The following PCDHGA2 variants were observed in gnomAD, a reference collection of about 807,000 sequenced individuals.
PCDHGA2 encodes the protein protocadherin gamma-A2.
Under a neutral mutation model 59.2 loss-of-function variants are expected in PCDHGA2, and 40 were observed. That is an observed-to-expected ratio of 0.68 (90% CI 0.52 to 0.88). The LOEUF (loss-of-function observed/expected upper bound fraction) is 0.88, where lower values mean the gene tolerates loss of function less well. Ranked by LOEUF, PCDHGA2 falls within the 40% of genes least tolerant of loss-of-function variation. PCDHGA2 has a pLI of 0.00. For missense variants in PCDHGA2, 1,226 were observed against 1,204.0 expected (o/e 1.02, Z -0.27); for synonymous variants, 560 against 526.0 (o/e 1.06, Z -0.89).
At chr5:141,445,900 T>C (rs2098480876) in intron 1 of PCDHGA2, among the ~76,000 whole-genome samples, 1 of 152,224 alleles carries the variant, frequency 6.6e-6, no homozygotes, top group African/African-American at 2.4e-5. Flanking sequence ...TATTAAAATA[T>C]TTTAAACAAG....
At chr5:141,428,004 G>A in intron 1 of PCDHGA2, 1 of 1,601,732 alleles carries the variant, frequency 6.2e-7, no homozygotes, top group Non-Finnish European at 8.5e-7. Flanking sequence ...CGCACTCTTC[G>A]ATATAGTGCC....
chr5:141,383,743 C>T (rs371173445), intron 1 of PCDHGA2: 56 of 1,613,920 alleles, frequency 3.5e-5, no homozygotes, highest in Non-Finnish European at 4.7e-5. Flanking sequence ...ATATTCTTTT[C>T]GGAAAATAAC....
chr5:141,393,574 A>T (rs2092798550), intron 1 of PCDHGA2: 2 of 1,613,798 alleles, frequency 1.2e-6, no homozygotes, highest in Non-Finnish European at 1.7e-6. Context: ...GTCCTTGAGA[A>T]CATGCCCCCA....
chr5:141,421,515 CTG>C, intron 1 of PCDHGA2: 1 of 1,614,080 alleles, frequency 6.2e-7, no homozygotes, highest in Non-Finnish European at 8.5e-7. Context: ...GGGAGGAGCT[CTG>C]TGAGACGGTG....
At position 141,362,565 on chromosome 5, in the gene PCDHGA2, T is replaced by C. The variant is rs757616440; in HGVS notation, c.2424+21170T>C. The stretch of plus-strand genomic sequence containing the variant: ...CAGATACTATTTTGAAGGTGAGCTT[T>C]AATTAATTTATTTTCACTTCTGGTT... On this transcript the variant is annotated intron_variant, in intron 1 of 3. Transcript: ENST00000394576. 1.6e-5 allele frequency: 25 copies of C among 1,608,278 alleles called. No homozygotes were observed. In the African/African-American group the frequency reaches 3.2e-4, roughly 21 times the overall value.
intron 1 of PCDHGA2, among the ~76,000 whole-genome samples, chr5:141,465,538 A>AT (rs2099105284): frequency 6.6e-6 from 1 of 152,112 alleles, no homozygotes; most frequent in Non-Finnish European, 1.5e-5. Context: ...TTTCCCAGGC[A>AT]TTTTTTCTGC....
intron 1 of PCDHGA2, chr5:141,370,851 G>C (rs903944197): frequency 6.2e-7 from 1 of 1,614,018 alleles, no homozygotes; most frequent in South Asian, 1.1e-5. Context: ...AGCCACATTT[G>C]CCCTGGAATC....
chr5:141,431,709 T>C lies in PCDHGA2; in HGVS notation c.2425-63098T>C. On this transcript the variant is annotated intron_variant, in intron 1 of 3. Coordinates refer to ENST00000394576, the MANE Select transcript of PCDHGA2 (RefSeq NM_018915.4). This position sits in a 1 kb window ranked among gnomAD's most constrained non-coding sequence, Gnocchi z 4.8. ...CACGAGGAGTCAGGATTCTACCAGA[T>C]GGAAGTGCAAGCAATGGATAATGCA... The C allele has an allele frequency of 6.2e-7, 1 of 1,614,168 alleles. No individual in the cohort carries two copies. Among genetic ancestry groups the C allele is most frequent in the Non-Finnish European group, 8.5e-7 (1 of 1,180,018 alleles).
chr5:141,436,555 G>A (rs562422182), intron 1 of PCDHGA2, among the ~76,000 whole-genome samples: 1 of 152,252 alleles, frequency 6.6e-6, no homozygotes, highest in South Asian at 2.1e-4. Flanking sequence ...TTGAGCTTCA[G>A]CAAAGTAGGA....
chr5:141,404,835 C>T, intron 1 of PCDHGA2: 1 of 1,613,920 alleles, frequency 6.2e-7, no homozygotes, highest in Non-Finnish European at 8.5e-7. Context: ...GAAGTGCGCA[C>T]AGCTCGGGCC....
intron 1 of PCDHGA2, chr5:141,372,255 C>CTGCGCACGGGTGAGG: frequency 1.2e-6 from 2 of 1,613,136 alleles, no homozygotes; most frequent in East Asian, 2.2e-5. Flanking sequence ...CAGCCTGGGC[C>CTGCGCACGGGTGAGG]TGCGCACGGG....
At chr5:141,413,687 T>A (rs1470256826) in intron 1 of PCDHGA2, 5 of 1,613,666 alleles carry the variant, frequency 3.1e-6, no homozygotes, top group Non-Finnish European at 3.4e-6. Flanking sequence ...GTGAACTCCC[T>A]GCAGAGCTAT....
chr5:141,436,659 G>A (rs771567212), intron 1 of PCDHGA2, among the ~76,000 whole-genome samples: 3 of 152,136 alleles, frequency 2.0e-5, no homozygotes, highest in Non-Finnish European at 2.9e-5. Flanking sequence ...GCCATTTTTA[G>A]TGGTTGACCA....
At chr5:141,365,465 A>G in intron 1 of PCDHGA2, 1 of 1,614,024 alleles carries the variant, frequency 6.2e-7, no homozygotes, top group South Asian at 1.1e-5. Context: ...TTCTGGAGAA[A>G]ATGGTGAGAT....
rs17097234 is a variant in PCDHGA2, at chr5:141,362,611, G to A, written c.2424+21216G>A. The A allele has an allele frequency of 3.3e-3, 5,121 of 1,555,416 alleles. 139 individuals are homozygous for A. The African/African-American group carries it at 0.064, about 19-fold the overall frequency. On this transcript the variant is annotated intron_variant, in intron 1 of 3. Coordinates refer to ENST00000394576, the MANE Select transcript of PCDHGA2 (RefSeq NM_018915.4). ...TGGTTTTATTGTTTCACCTAATTTG[G>A]GTAGGAAGTTCCACTGCGTATTTCT...
In PCDHGA2 at chr5:141,510,983, C is replaced by T; in HGVS notation, c.2609C>T (p.Ala870Val). The change falls in exon 4 of 4, where the codon GCC becomes GTC. Residue 870 changes from alanine to valine, a missense_variant. Transcript: ENST00000394576. The stretch of plus-strand genomic sequence containing the variant: ...GGGAGCTCCACCCTGGGAGGGGGTG[C>T]CGGCACCATGGGATTGAGCGCCCGC... ...ADGSSTLGGG[A>V]GTMGLSARYG... The T allele has an allele frequency of 6.2e-7, 1 of 1,614,162 alleles. No homozygotes were observed. The highest frequency in any genetic ancestry group is 8.5e-7 in the Non-Finnish European group (1 of 1,180,012).
rs776632782 is a variant in PCDHGA2, at chr5:141,415,681, A to G, written c.2424+74286A>G. 6.3e-5 allele frequency: 95 copies of G among 1,518,728 alleles called. 2 individuals are homozygous for G. In the Middle Eastern group the frequency reaches 2.1e-3, roughly 34 times the overall value. 94.1% of individuals were successfully genotyped at this position (1,518,728 alleles called of 1,614,324 possible). A position where few individuals can be genotyped will look rare whatever the true frequency, so the allele number is the denominator to read the frequency against. Reference sequence around the variant, plus strand: ...TGGTTTTTACTTTGAAGTTTGCGGCATGATGGTGGAAAGTGTAAATGCTAA... The same window carrying G: ...TGGTTTTTACTTTGAAGTTTGCGGCGTGATGGTGGAAAGTGTAAATGCTAA... On this transcript the variant is annotated intron_variant, in intron 1 of 3. Transcript: ENST00000394576.
Position 141,408,181 on chromosome 5 carries a change from C to G in PCDHGA2, c.2424+66786C>G, listed in dbSNP as rs1304952667. ...TTTCTCCAACTGGAAAAGCGGGGAC[C>G]CAGCGAGAACCCGAGCGAACGATGG... On this transcript the variant is annotated intron_variant, in intron 1 of 3. Coordinates refer to ENST00000394576, the MANE Select transcript of PCDHGA2 (RefSeq NM_018915.4). The G allele has an allele frequency of 1.6e-5, 24 of 1,536,932 alleles. No individual in the cohort carries two copies. In the East Asian group the frequency reaches 5.6e-4, roughly 36 times the overall value.
intron 1 of PCDHGA2, among the ~76,000 whole-genome samples, chr5:141,358,249 C>A (rs1467054319): frequency 2.0e-5 from 3 of 152,134 alleles, no homozygotes; most frequent in African/African-American, 4.8e-5. Flanking sequence ...CTTAGGTGTT[C>A]CTGAAAAGAT....
Sources: gnomAD v4.1 joint callset for allele counts (sites outside exome capture counted in the v4.1 genomes callset) on GRCh38, gnomAD v4.1.1 for gene constraint, Gnocchi (gnomAD v3.1) non-coding constraint, MANE v1.5 for transcripts, NCBI Gene and HGNC (gene_info 2026-07-23, HGNC 2026-07-21) for gene names.